ITPR2: variants seen among roughly 807,000 people sequenced by gnomAD.
ITPR2 encodes inositol 1,4,5-trisphosphate receptor type 2.
A neutral mutation model predicts 317.1 loss-of-function variants in ITPR2; 207 were observed. The ratio of observed to expected loss-of-function variants is 0.65; its 90% CI spans 0.58 to 0.73. The LOEUF (loss-of-function observed/expected upper bound fraction) is 0.73, where lower values mean the gene tolerates loss of function less well. ITPR2 is among the 30% of genes least tolerant of loss of function. The pLI, the probability that ITPR2 is intolerant of heterozygous loss-of-function variation, is 0.00. For missense variants in ITPR2, 2,613 were observed against 3,284.0 expected, an observed-to-expected ratio of 0.80 and a Z score of 4.99; for synonymous variants, 1,156 against 1,149.1, an observed-to-expected ratio of 1.01 and a Z score of -0.12.
chr12:26,605,925 A>G (rs888813154), intron 26 of ITPR2, among the ~76,000 whole-genome samples: 4 of 152,214 alleles, frequency 2.6e-5, no homozygotes. Context: ...GAAATATGTA[A>G]ACTATATAAC....
chr12:26,727,689 C>T (rs1948954061), intron 2 of ITPR2, among the ~76,000 whole-genome samples: 1 of 152,160 alleles, frequency 6.6e-6, no homozygotes, highest in African/African-American at 2.4e-5. Context: ...TCATGCCCTG[C>T]ACGAACAGGG....
At chr12:26,648,474 T>G (rs1205857502) in intron 21 of ITPR2, among the ~76,000 whole-genome samples, 2 of 151,874 alleles carry the variant, frequency 1.3e-5, no homozygotes, top group Non-Finnish European at 2.9e-5. Context: ...TTAAAGGAAC[T>G]GGTCTATCTA....
At chr12:26,437,962 C>T (rs191870264) in intron 47 of ITPR2, among the ~76,000 whole-genome samples, 15 of 151,972 alleles carry the variant, frequency 9.9e-5, no homozygotes, top group African/African-American at 3.4e-4. Context: ...CCACCACGCC[C>T]GGCTAATTTT....
At position 26,516,275 on chromosome 12, in the gene ITPR2, GGGAAGGGAAGGGAAA is replaced by G. The variant is rs1943502046; in HGVS notation, c.5074-21030_5074-21016del. Among the ~76,000 whole-genome samples the G allele has an allele frequency of 2.8e-3, 104 of 37,808 alleles. 3 individuals are homozygous for G. Among genetic ancestry groups the G allele is most frequent in the African/African-American group, 9.9e-3 (101 of 10,162 alleles). 24.8% of individuals were successfully genotyped at this position (37,808 alleles called of 152,430 possible). ...AGGAAAGGAAAGGAAAGGAAAGGAA[GGGAAGGGAAGGGAAA>G]GGAAAGGAAAGGAAAGGAAAGGAAA... On this transcript the variant is annotated intron_variant, in intron 37 of 56. Transcript: ENST00000381340.
intron 1 of ITPR2, among the ~76,000 whole-genome samples, chr12:26,808,978 A>C (rs1397872442): frequency 1.3e-5 from 2 of 152,182 alleles, no homozygotes; most frequent in African/African-American, 4.8e-5. Flanking sequence ...TGGAGTCTTA[A>C]CCACCTGTAT....
intron 30 of ITPR2, among the ~76,000 whole-genome samples, chr12:26,597,358 G>A (rs1479913413): frequency 6.6e-6 from 1 of 152,226 alleles, no homozygotes; most frequent in Non-Finnish European, 1.5e-5. Flanking sequence ...TGTGGAAGCA[G>A]CAGATAGGGC....
At chr12:26,815,716 G>GA (rs922305283) in intron 1 of ITPR2, among the ~76,000 whole-genome samples, 4 of 150,778 alleles carry the variant, frequency 2.7e-5, no homozygotes, top group Admixed American at 2.0e-4. Flanking sequence ...AAGTAAGGGA[G>GA]AAAAAAAAAG....
At chr12:26,740,763 G>C (rs1391901115) in intron 2 of ITPR2, among the ~76,000 whole-genome samples, 1 of 152,138 alleles carries the variant, frequency 6.6e-6, no homozygotes, top group Non-Finnish European at 1.5e-5. Flanking sequence ...CTTCCCAGGG[G>C]AAAAAAGTCT....
intron 45 of ITPR2, among the ~76,000 whole-genome samples, chr12:26,468,064 C>A (rs1942211096): frequency 6.6e-6 from 1 of 152,108 alleles, no homozygotes; most frequent in African/African-American, 2.4e-5. Context: ...ATAGCACAAC[C>A]TAGTGTAAAA....
At chr12:26,708,324 T>A (rs145399796) in intron 9 of ITPR2, among the ~76,000 whole-genome samples, 1 of 152,166 alleles carries the variant, frequency 6.6e-6, no homozygotes, top group African/African-American at 2.4e-5. Context: ...CTACACACAA[T>A]AGCCAAGATT....
In ITPR2 at chr12:26,656,257, T is replaced by C. The variant is rs546599463; in HGVS notation, c.2444+40A>G. 38 of 1,605,238 alleles carry C rather than the reference T, an allele frequency of 2.4e-5. No individual in the cohort carries two copies. In the African/African-American group the frequency reaches 5.1e-4, roughly 21 times the overall value. On this transcript the variant is annotated intron_variant, in intron 19 of 56. Transcript: ENST00000381340. Reference sequence around the variant, plus strand: ...GTAGACATTTGACGTGGAGTTCATCTGATGAATTCCAAAGCCTCAAGACCT... The same window carrying C: ...GTAGACATTTGACGTGGAGTTCATCCGATGAATTCCAAAGCCTCAAGACCT...
chr12:26,615,603 A>G (rs1946357402), intron 26 of ITPR2, among the ~76,000 whole-genome samples: 1 of 152,190 alleles, frequency 6.6e-6, no homozygotes, highest in Admixed American at 6.5e-5. Flanking sequence ...TAACAGAGCA[A>G]ACTTCTCAAC....
intron 37 of ITPR2, chr12:26,495,503 T>C (rs557459810): frequency 1.2e-4 from 48 of 401,958 alleles, no homozygotes; most frequent in South Asian, 1.9e-4. Flanking sequence ...AACAGGTTTA[T>C]GGCAGATATT....
At chr12:26,515,555 C>T (rs1183241289) in intron 37 of ITPR2, among the ~76,000 whole-genome samples, 1 of 151,958 alleles carries the variant, frequency 6.6e-6, no homozygotes, top group African/African-American at 2.4e-5. Context: ...ACTCCATTTT[C>T]AGCAAAAGAA....
In ITPR2 at chr12:26,481,186, A is replaced by C; in HGVS notation, c.6068T>G (p.Leu2023Arg). The C allele has an allele frequency of 6.2e-7, 1 of 1,613,868 alleles. No homozygotes were observed. The highest frequency in any genetic ancestry group is 1.6e-4 in the Middle Eastern group (1 of 6,062). ...TTTACCAAGAGGGTTTATGTCATTC[A>C]GAATCAAAGCAATGATGATATCAAT... ...NGIDIIIALI[L>R]NDINPLGKYR... Residue 2023 changes from leucine to arginine, a missense_variant, in exon 43 of 57, where the codon CTG becomes CGG. Leu to Arg is a moderately radical substitution (Grantham distance 102). Transcript: ENST00000381340.
intron 37 of ITPR2, among the ~76,000 whole-genome samples, chr12:26,502,072 G>A (rs1179164587): frequency 3.9e-5 from 6 of 152,176 alleles, no homozygotes; most frequent in Non-Finnish European, 8.8e-5. Context: ...GTTAGGAGAT[G>A]ATTCTATACT....
chr12:26,715,944 G>C, intron 6 of ITPR2, 109 bp from the exon 7 acceptor site: 1 of 835,294 alleles, frequency 1.2e-6, no homozygotes, highest in East Asian at 2.5e-5. Flanking sequence ...GGATAATGAA[G>C]TATATAGCTC....
intron 2 of ITPR2, among the ~76,000 whole-genome samples, chr12:26,772,003 G>A (rs534376618): frequency 6.6e-6 from 1 of 152,032 alleles, no homozygotes; most frequent in Non-Finnish European, 1.5e-5. Flanking sequence ...GTTATTTACA[G>A]CAGTGGTACT....
intron 45 of ITPR2, among the ~76,000 whole-genome samples, chr12:26,460,385 C>G (rs995426196): frequency 2.0e-5 from 3 of 152,146 alleles, no homozygotes; most frequent in African/African-American, 7.2e-5. Context: ...TTGGTGCAAG[C>G]TATTTTTCAA....
Sources: allele counts gnomAD v4.1 joint callset (sites outside exome capture counted in the v4.1 genomes callset), GRCh38; gene constraint gnomAD v4.1.1; transcripts MANE v1.5; gene names NCBI Gene and HGNC (gene_info 2026-07-23, HGNC 2026-07-21).